The following MRPS6 variants were observed in gnomAD, a reference collection of about 807,000 sequenced individuals.
The protein encoded by MRPS6 is small ribosomal subunit protein bS6m.
MRPS6 carries 6 observed loss-of-function variants against 13.1 expected under a neutral mutation model. That is an observed-to-expected ratio of 0.46 (90% confidence interval 0.25 to 0.91). The LOEUF (loss-of-function observed/expected upper bound fraction) is 0.91. Ranked by LOEUF, MRPS6 falls within the 40% of genes least tolerant of loss-of-function variation. MRPS6 has a pLI of 0.18. For synonymous variants in MRPS6, 61 were observed against 56.5 expected, an observed-to-expected ratio of 1.08 and a Z score of -0.36; for missense variants, 164 against 155.6, an observed-to-expected ratio of 1.05 and a Z score of -0.29.
At chr21:34,099,688 A>G in intron 1 of MRPS6, 1 of 998,038 alleles carries the variant, frequency 1.0e-6, no homozygotes, top group Non-Finnish European at 1.2e-6. Flanking sequence ...CTCTTGTCTT[A>G]GTAAGATACA....
intron 1 of MRPS6, chr21:34,124,497 CTT>C (rs749024927): frequency 5.7e-4 from 76 of 132,794 alleles, no homozygotes; most frequent in Admixed American, 6.0e-4. Context: ...ATTGTTCAAG[CTT>C]TTTTTTTTTT....
intron 1 of MRPS6, chr21:34,105,684 G>A (rs1979443913): frequency 1.0e-6 from 1 of 998,076 alleles, no homozygotes; most frequent in Non-Finnish European, 1.2e-6. Context: ...CATTAATTTT[G>A]TTATTAGTGA....
At chr21:34,090,676 C>G (rs554101983) in intron 1 of MRPS6, among the ~76,000 whole-genome samples, 1 of 152,166 alleles carries the variant, frequency 6.6e-6, no homozygotes, top group Non-Finnish European at 1.5e-5. Flanking sequence ...TGAGCCACCT[C>G]CCCATTGCAC....
intron 2 of MRPS6, chr21:34,135,425 G>A (rs967892858): frequency 3.0e-5 from 13 of 440,674 alleles, no homozygotes; most frequent in African/African-American, 2.6e-4. Flanking sequence ...GGCATCAGCT[G>A]GGAAAATCAG....
rs78729486 is a variant in MRPS6, at chr21:34,101,526, A to G, written c.46-23815A>G. Reference sequence around the variant, plus strand: ...AAATGGGATCTGTTTCTATATGTGTATATGCCCACTTACCATTCAGAGAGA... The same window carrying G: ...AAATGGGATCTGTTTCTATATGTGTGTATGCCCACTTACCATTCAGAGAGA... On this transcript the variant is annotated intron_variant, in intron 1 of 2. Transcript: ENST00000399312. 3,668 of 1,000,176 alleles carry G rather than the reference A, an allele frequency of 3.7e-3. 103 individuals carry two copies. In the African/African-American group the frequency reaches 0.061, roughly 17 times the overall value. 62.0% of individuals were successfully genotyped at this position (1,000,176 alleles called of 1,614,324 possible).
intron 1 of MRPS6, among the ~76,000 whole-genome samples, chr21:34,077,029 T>C (rs941108549): frequency 6.6e-6 from 1 of 152,176 alleles, no homozygotes; most frequent in African/African-American, 2.4e-5. Flanking sequence ...GCCTGTGAGA[T>C]GGTGAGGTCT....
At chr21:34,101,195 A>C (rs1250326875) in intron 1 of MRPS6, 1 of 1,000,070 alleles carries the variant, frequency 1.0e-6, no homozygotes, top group Non-Finnish European at 1.2e-6. Flanking sequence ...GTAAAAGACA[A>C]CAAATATTAG....
chr21:34,100,986 A>G lies in MRPS6; in HGVS notation c.46-24355A>G, dbSNP rs764271586. ...CTCCTGGCTCATTTTCATCAGAGGC[A>G]TGATGACTGGAAAGGGATCACATGG... is the stretch of plus-strand genomic sequence containing the variant. On this transcript the variant is annotated intron_variant, in intron 1 of 2. Transcript: ENST00000399312. 4.0e-6 allele frequency: 4 copies of G among 999,636 alleles called. No homozygotes were observed. The East Asian group carries it at 3.4e-4, about 85-fold the overall frequency. 61.9% of individuals were successfully genotyped at this position (999,636 alleles called of 1,614,324 possible).
intron 1 of MRPS6, among the ~76,000 whole-genome samples, chr21:34,080,291 A>C (rs1989429858): frequency 6.6e-6 from 1 of 152,200 alleles, no homozygotes; most frequent in Non-Finnish European, 1.5e-5. Context: ...CTCATTTTCA[A>C]ATACATGCAG....
At chr21:34,103,993 A>T (rs888877360) in intron 1 of MRPS6, 2 of 1,000,092 alleles carry the variant, frequency 2.0e-6, no homozygotes, top group South Asian at 4.7e-5. Context: ...AAAAATCTTA[A>T]ATCTTTTAGG....
At chr21:34,095,028 A>T in intron 1 of MRPS6, 1 of 772,008 alleles carries the variant, frequency 1.3e-6, no homozygotes, top group Non-Finnish European at 1.9e-6. Flanking sequence ...AAAGTTTATC[A>T]CAACCACCAC....
At chr21:34,076,978 A>G (rs1602899529) in intron 1 of MRPS6, among the ~76,000 whole-genome samples, 1 of 152,226 alleles carries the variant, frequency 6.6e-6, no homozygotes, top group African/African-American at 2.4e-5. Flanking sequence ...GCCTCATTTC[A>G]GTGTGAGGAA....
intron 1 of MRPS6, among the ~76,000 whole-genome samples, chr21:34,107,501 A>T (rs991492275): frequency 6.6e-6 from 1 of 152,178 alleles, no homozygotes; most frequent in Non-Finnish European, 1.5e-5. Context: ...ATATGTAATT[A>T]GTGGGGGGAT....
intron 1 of MRPS6, among the ~76,000 whole-genome samples, chr21:34,077,350 A>G (rs909736692): frequency 2.0e-5 from 3 of 152,354 alleles, no homozygotes; most frequent in African/African-American, 2.4e-5. Context: ...TGTGCAATAC[A>G]TAAGTATTTT....
chr21:34,075,527 G>C (rs1009035114), intron 1 of MRPS6, among the ~76,000 whole-genome samples: 1 of 151,810 alleles, frequency 6.6e-6, no homozygotes, highest in Non-Finnish European at 1.5e-5. Context: ...TGAAATCTTC[G>C]CATGAGGGAA....
chr21:34,118,497 A>G (rs1375558528), intron 1 of MRPS6, among the ~76,000 whole-genome samples: 1 of 148,908 alleles, frequency 6.7e-6, no homozygotes, highest in African/African-American at 2.5e-5. Context: ...CCATTTACCT[A>G]CTGTTTTAAA....
At chr21:34,090,504 T>G (rs919576183) in intron 1 of MRPS6, among the ~76,000 whole-genome samples, 1 of 152,238 alleles carries the variant, frequency 6.6e-6, no homozygotes, top group African/African-American at 2.4e-5. Flanking sequence ...CTAAAATGTT[T>G]GAGAGAGCTG....
At position 34,106,040 on chromosome 21, in the gene MRPS6, T is replaced by C. The variant is rs187179189; in HGVS notation, c.46-19301T>C. 5.0e-6 allele frequency: 5 copies of C among 995,846 alleles called. No individual in the cohort carries two copies. In the East Asian group the frequency reaches 4.5e-4, roughly 91 times the overall value. The allele number at this position is 995,846 out of a possible 1,614,324, so 61.7% of individuals were successfully genotyped here. A position where few individuals can be genotyped will look rare whatever the true frequency, so the allele number is the denominator to read the frequency against. On this transcript the variant is annotated intron_variant, in intron 1 of 2. Coordinates refer to ENST00000399312, the MANE Select transcript of MRPS6 (RefSeq NM_032476.4). ...CATATCTGCTAAAGAGCTGTCAGTT[T>C]TCATTACTGACTCTGTAAAATACAC... is the stretch of plus-strand genomic sequence containing the variant.
chr21:34,087,248 A>C (rs1261713934), intron 1 of MRPS6, among the ~76,000 whole-genome samples: 1 of 94,888 alleles, frequency 1.1e-5, no homozygotes, highest in Admixed American at 1.2e-4. Context: ...CTGGTGGAGG[A>C]GGGAGGAGGC....
Sources: allele counts gnomAD v4.1 joint callset (sites outside exome capture counted in the v4.1 genomes callset), GRCh38; gene constraint gnomAD v4.1.1; transcripts MANE v1.5; gene names NCBI Gene and HGNC (gene_info 2026-07-23, HGNC 2026-07-21).